Variants in SLC35F4 observed in about 807,000 individuals in gnomAD.
The protein encoded by SLC35F4 is chromosome 14 open reading frame 36.
In SLC35F4, 24 loss-of-function variants were observed where a neutral mutation model predicts 44.2. The observed-to-expected ratio is 0.54, with a 90% CI of 0.39 to 0.76. SLC35F4 has a LOEUF of 0.76. SLC35F4 is among the 30% of genes least tolerant of loss of function. SLC35F4 has a pLI of 0.00. For synonymous variants in SLC35F4, 238 were observed against 223.6 expected, an observed-to-expected ratio of 1.06 and a Z score of -0.57; for missense variants, 562 against 586.1, an observed-to-expected ratio of 0.96 and a Z score of 0.42.
intron 7 of SLC35F4, among the ~76,000 whole-genome samples, chr14:57,565,820 A>G (rs2068179044): frequency 6.6e-6 from 1 of 152,236 alleles, no homozygotes; most frequent in Non-Finnish European, 1.5e-5. Flanking sequence ...TAAATATTCA[A>G]TAAACATTTG....
intron 1 of SLC35F4, among the ~76,000 whole-genome samples, chr14:57,618,382 G>A (rs568590762): frequency 6.6e-6 from 1 of 152,304 alleles, no homozygotes; most frequent in African/African-American, 2.4e-5. Flanking sequence ...GCAGCCCACA[G>A]AGGGTAAGCA....
At chr14:57,927,753 AG>A in intron 1 of SLC35F4, among the ~76,000 whole-genome samples, 1 of 152,164 alleles carries the variant, frequency 6.6e-6, no homozygotes, top group South Asian at 2.1e-4. Flanking sequence ...AGCCTCCAAA[AG>A]TGCTGGGATT....
intron 1 of SLC35F4, among the ~76,000 whole-genome samples, chr14:57,830,022 T>C (rs1884185351): frequency 6.6e-6 from 1 of 152,108 alleles, no homozygotes; most frequent in Non-Finnish European, 1.5e-5. Context: ...AAAACTTATT[T>C]CCATTCCTCT....
intron 1 of SLC35F4, 121 bp downstream of exon 1, chr14:57,865,602 G>A: frequency 1.3e-6 from 1 of 745,200 alleles, no homozygotes; most frequent in Non-Finnish European, 2.0e-6. Flanking sequence ...AGGCGGTGTT[G>A]ACAGCGTCCG....
At chr14:57,666,138 T>C (rs1315805575) in intron 1 of SLC35F4, among the ~76,000 whole-genome samples, 1 of 152,150 alleles carries the variant, frequency 6.6e-6, no homozygotes, top group African/African-American at 2.4e-5. Context: ...AAAATAAAGC[T>C]TGTCATAGGA....
intron 5 of SLC35F4, among the ~76,000 whole-genome samples, chr14:57,571,365 C>A (rs1269120672): frequency 1.3e-5 from 2 of 152,218 alleles, no homozygotes; most frequent in African/African-American, 4.8e-5. Context: ...AGAGCTTCTT[C>A]ATTTTGCTAG....
intron 6 of SLC35F4, among the ~76,000 whole-genome samples, chr14:57,567,009 C>T (rs1044436085): frequency 6.6e-6 from 1 of 152,216 alleles, no homozygotes; most frequent in African/African-American, 2.4e-5. Flanking sequence ...CAATGATAGC[C>T]TATGCTGTTT....
rs1444233315 is a variant in SLC35F4, at chr14:57,638,424, CGTGTTAGGGGCCCCTTCGTGAATAT to C, written c.104-44325_104-44301del. ...GTAACATGTATGTTTGTTCAGCACA[CGTGTTAGGGGCCCCTTCGTGAATAT>C]TCATAGCTCTTCTTGTAAGCTGTTG... On this transcript the variant is annotated intron_variant, in intron 1 of 7. Coordinates refer to ENST00000556826, the MANE Select transcript of SLC35F4 (RefSeq NM_001306087.2). Among the ~76,000 whole-genome samples the C allele has an allele frequency of 2.0e-5, 3 of 152,074 alleles. No individual in the cohort carries two copies. The East Asian group carries it at 5.8e-4, about 29-fold the overall frequency.
intron 1 of SLC35F4, among the ~76,000 whole-genome samples, chr14:57,638,690 C>G (rs1437269794): frequency 6.6e-6 from 1 of 152,042 alleles, no homozygotes; most frequent in East Asian, 1.9e-4. Context: ...AGAATTAGCC[C>G]TTCTGATACA....
At chr14:57,606,356 G>A (rs1176054318) in intron 1 of SLC35F4, among the ~76,000 whole-genome samples, 3 of 152,054 alleles carry the variant, frequency 2.0e-5, no homozygotes, top group African/African-American at 7.2e-5. Context: ...ATAACTTAAT[G>A]GCATTTTAAA....
intron 1 of SLC35F4, among the ~76,000 whole-genome samples, chr14:57,796,478 T>C (rs562901948): frequency 2.0e-5 from 3 of 152,166 alleles, no homozygotes; most frequent in Middle Eastern, 3.2e-3. Flanking sequence ...AGTCAAACAA[T>C]TGTATTTTCA....
intron 1 of SLC35F4, among the ~76,000 whole-genome samples, chr14:57,656,715 C>T (rs537769557): frequency 4.6e-5 from 7 of 152,174 alleles, no homozygotes; most frequent in Non-Finnish European, 2.9e-5. Flanking sequence ...ATCAAGTATA[C>T]CTATATAATA....
chr14:57,735,786 A>G (rs776034260), intron 1 of SLC35F4, among the ~76,000 whole-genome samples: 1 of 151,576 alleles, frequency 6.6e-6, no homozygotes, highest in Non-Finnish European at 1.5e-5. Context: ...GCAGTGGTGC[A>G]ATCATAGCTT....
chr14:57,864,466 A>G (rs1022620292), intron 1 of SLC35F4, among the ~76,000 whole-genome samples: 2 of 152,236 alleles, frequency 1.3e-5, no homozygotes, highest in East Asian at 3.8e-4. Context: ...AACCAGATGA[A>G]ATATCGAACT....
chr14:57,741,172 C>A (rs774894343), intron 1 of SLC35F4, among the ~76,000 whole-genome samples: 1 of 152,192 alleles, frequency 6.6e-6, no homozygotes, highest in African/African-American at 2.4e-5. Flanking sequence ...AATCAGAGCG[C>A]CTCTTCTCCT....
intron 1 of SLC35F4, among the ~76,000 whole-genome samples, chr14:57,729,140 T>C (rs963280402): frequency 2.0e-5 from 3 of 152,204 alleles, no homozygotes; most frequent in Admixed American, 6.5e-5. Flanking sequence ...TAGTCTTCTA[T>C]GGGCTAAACC....
At chr14:57,921,623 C>T (rs887079961) in intron 1 of SLC35F4, among the ~76,000 whole-genome samples, 1 of 152,172 alleles carries the variant, frequency 6.6e-6, no homozygotes, top group Non-Finnish European at 1.5e-5. Flanking sequence ...TTGGTTCCTT[C>T]TGAGAGCTGA....
At chr14:57,680,504 T>C (rs1414299786) in intron 1 of SLC35F4, among the ~76,000 whole-genome samples, 1 of 150,364 alleles carries the variant, frequency 6.7e-6, no homozygotes, top group Non-Finnish European at 1.5e-5. Context: ...ATTCAACATA[T>C]TGGAAGTTCT....
At chr14:57,819,885 C>T (rs959988253) in intron 1 of SLC35F4, among the ~76,000 whole-genome samples, 3 of 151,016 alleles carry the variant, frequency 2.0e-5, no homozygotes, top group Non-Finnish European at 4.4e-5. Context: ...TATAAATCTA[C>T]AGTACTTAGG....
Sources: allele counts gnomAD v4.1 joint callset (sites outside exome capture counted in the v4.1 genomes callset), GRCh38; gene constraint gnomAD v4.1.1; transcripts MANE v1.5; gene names NCBI Gene and HGNC (gene_info 2026-07-23, HGNC 2026-07-21).